The following WIF1 variants were observed in gnomAD, a reference collection of about 807,000 sequenced individuals.
WIF1 encodes the protein Wnt inhibitory factor 1.
WIF1 carries 35 observed loss-of-function variants against 53.5 expected under a neutral mutation model. That is an observed-to-expected ratio of 0.65 (90% CI 0.50 to 0.87). The LOEUF (loss-of-function observed/expected upper bound fraction) is 0.87. WIF1 is among the 40% of genes least tolerant of loss of function. The pLI is 0.00. For synonymous variants in WIF1, 171 were observed against 170.4 expected, an observed-to-expected ratio of 1.00 and a Z score of -0.03; for missense variants, 467 against 476.8, an observed-to-expected ratio of 0.98 and a Z score of 0.19.
intron 2 of WIF1, among the ~76,000 whole-genome samples, chr12:65,099,833 G>T (rs929499099): frequency 6.6e-6 from 1 of 152,062 alleles, no homozygotes; most frequent in African/African-American, 2.4e-5. Context: ...AAAAAGTGCT[G>T]TTTTCCAGCC....
At chr12:65,112,483 C>T (rs1217866497) in intron 2 of WIF1, among the ~76,000 whole-genome samples, 3 of 148,686 alleles carry the variant, frequency 2.0e-5, no homozygotes, top group Non-Finnish European at 4.4e-5. Context: ...CATTGCAACT[C>T]TTTTGAAAGT....
chr12:65,084,676 G>A (rs921899724), intron 2 of WIF1, among the ~76,000 whole-genome samples: 1 of 152,168 alleles, frequency 6.6e-6, no homozygotes, highest in Non-Finnish European at 1.5e-5. Context: ...GCACAGCAAG[G>A]CATTTGAAAA....
intron 2 of WIF1, chr12:65,083,857 T>TTTTCTTTTCTTTTCTTTTCTTTTC (rs1882994532): frequency 4.8e-6 from 2 of 418,350 alleles, no homozygotes; most frequent in African/African-American, 2.3e-5. Flanking sequence ...TTTTCTTTTC[T>TTTTCTTTTCTTTTCTTTTCTTTTC]TTTATTTGCA....
chr12:65,096,546 A>G (rs934212111), intron 2 of WIF1, among the ~76,000 whole-genome samples: 5 of 152,190 alleles, frequency 3.3e-5, no homozygotes, highest in African/African-American at 4.8e-5. Context: ...AAATCATTCT[A>G]TTATAAAGAC....
intron 2 of WIF1, among the ~76,000 whole-genome samples, chr12:65,112,404 T>TCACACACAAACA: frequency 8.1e-6 from 1 of 123,536 alleles, no homozygotes. Context: ...CCTGCTCTAA[T>TCACACACAAACA]CACACACACA....
chr12:65,106,602 T>G (rs1271562006), intron 2 of WIF1, among the ~76,000 whole-genome samples: 1 of 152,040 alleles, frequency 6.6e-6, no homozygotes, highest in African/African-American at 2.4e-5. Context: ...TGCCTCAGCC[T>G]CCCAAAGTGT....
chr12:65,066,353 C>G (rs1051272461), intron 6 of WIF1, among the ~76,000 whole-genome samples: 2 of 152,124 alleles, frequency 1.3e-5, no homozygotes, highest in Non-Finnish European at 2.9e-5. Flanking sequence ...TTCCAAAGCT[C>G]TAGGCAGGAC....
intron 2 of WIF1, among the ~76,000 whole-genome samples, chr12:65,091,406 T>C (rs914199979): frequency 1.3e-5 from 2 of 150,054 alleles, no homozygotes; most frequent in African/African-American, 4.9e-5. Context: ...TCCATGTATT[T>C]CCCAGTATTA....
chr12:65,094,542 T>C (rs1883172307), intron 2 of WIF1, among the ~76,000 whole-genome samples: 1 of 152,108 alleles, frequency 6.6e-6, no homozygotes, highest in Non-Finnish European at 1.5e-5. Context: ...GCCTTCGCTT[T>C]GGGAGGAAGG....
At chr12:65,098,656 CTG>C (rs113954429) in intron 2 of WIF1, among the ~76,000 whole-genome samples, 5 of 150,522 alleles carry the variant, frequency 3.3e-5, no homozygotes, top group Non-Finnish European at 4.4e-5. Flanking sequence ...ACATTAAAGT[CTG>C]TGTGTGTGTG....
chr12:65,104,675 A>G lies in WIF1; in HGVS notation c.288+15742T>C, dbSNP rs1883328910. Reference sequence around the variant, plus strand: ...GGCACATGAGCAATACTTAATAAGCATTAGACATTTTCCTCTATTTTCTTC... The same window carrying G: ...GGCACATGAGCAATACTTAATAAGCGTTAGACATTTTCCTCTATTTTCTTC... On this transcript the variant is annotated intron_variant, in intron 2 of 9. Transcript: ENST00000286574. Among the ~76,000 whole-genome samples the G allele has an allele frequency of 2.6e-5, 4 of 152,188 alleles. 1 individual carries two copies. In the South Asian group the frequency reaches 8.3e-4, roughly 31 times the overall value.
intron 2 of WIF1, among the ~76,000 whole-genome samples, chr12:65,084,913 G>A (rs114240202): frequency 2.0e-4 from 31 of 152,172 alleles, no homozygotes; most frequent in African/African-American, 5.5e-4. Context: ...AGAATACAGA[G>A]CACTTTTGAA....
chr12:65,117,273 G>C (rs979123906), intron 2 of WIF1, among the ~76,000 whole-genome samples: 2 of 152,108 alleles, frequency 1.3e-5, no homozygotes, highest in Non-Finnish European at 2.9e-5. Context: ...TTTGCCATCA[G>C]AGTCTAACAG....
At chr12:65,109,012 A>G (rs984418505) in intron 2 of WIF1, among the ~76,000 whole-genome samples, 3 of 152,234 alleles carry the variant, frequency 2.0e-5, no homozygotes, top group African/African-American at 7.2e-5. Context: ...CAACTGTGGC[A>G]TACCTAAGTT....
intron 9 of WIF1, among the ~76,000 whole-genome samples, chr12:65,052,103 C>A (rs1882450073): frequency 6.6e-6 from 1 of 152,150 alleles, no homozygotes. Flanking sequence ...CAACTTCAGA[C>A]CTCCCTTCTT....
intron 2 of WIF1, among the ~76,000 whole-genome samples, chr12:65,091,818 A>G (rs909350698): frequency 3.9e-5 from 6 of 152,170 alleles, no homozygotes; most frequent in African/African-American, 1.4e-4. Context: ...TTCTGTGTTC[A>G]TGCCTTCTTT....
chr12:65,105,692 C>T (rs529269768), intron 2 of WIF1, among the ~76,000 whole-genome samples: 13 of 152,182 alleles, frequency 8.5e-5, no homozygotes, highest in East Asian at 5.8e-4. Flanking sequence ...TCCAGTCTCA[C>T]GAGAGAAAGC....
In WIF1 at chr12:65,050,756, TC is replaced by T. The variant is rs1173356297; in HGVS notation, c.*592del. The stretch of plus-strand genomic sequence containing the variant: ...AATGCAAAAAGTTCATACATTATAT[TC>T]CCTATTTCATTGTGTTTAGAATATA... On this transcript the variant is annotated 3_prime_UTR_variant, in exon 10 of 10. Transcript: ENST00000286574. 5.2e-6 allele frequency: 1 copy of T among 190,790 alleles called. No individual in the cohort carries two copies. Among genetic ancestry groups the T allele is most frequent in the Non-Finnish European group, 1.1e-5 (1 of 90,902 alleles). 11.8% of individuals were successfully genotyped at this position (190,790 alleles called of 1,614,324 possible).
chr12:65,083,361 G>A (rs915551951), intron 2 of WIF1, among the ~76,000 whole-genome samples: 1 of 152,134 alleles, frequency 6.6e-6, no homozygotes, highest in African/African-American at 2.4e-5. Context: ...AGCAAAAATT[G>A]CCAGATCTCA....
Sources: gnomAD v4.1 joint callset for allele counts (sites outside exome capture counted in the v4.1 genomes callset) on GRCh38, gnomAD v4.1.1 for gene constraint, MANE v1.5 for transcripts, NCBI Gene and HGNC (gene_info 2026-07-23, HGNC 2026-07-21) for gene names.